Variants in SHROOM3 observed in about 807,000 individuals in gnomAD.
SHROOM3 encodes the protein protein Shroom3.
SHROOM3 carries 47 observed loss-of-function variants against 138.6 expected under a neutral mutation model. The ratio of observed to expected loss-of-function variants is 0.34; its 90% CI spans 0.27 to 0.43. The LOEUF (loss-of-function observed/expected upper bound fraction) is 0.43, where lower values mean the gene tolerates loss of function less well. Ranked by LOEUF, SHROOM3 falls within the 20% of genes least tolerant of loss-of-function variation. The probability of loss-of-function intolerance (pLI) is 1.00; values close to 1 mark genes in which losing one functional copy is unlikely to be tolerated. For synonymous variants in SHROOM3, 1,062 were observed against 1,063.3 expected, an observed-to-expected ratio of 1.00 and a Z score of 0.02; for missense variants, 2,491 against 2,596.5, an observed-to-expected ratio of 0.96 and a Z score of 0.88.
At chr4:76,764,969 A>G (rs930328838) in intron 9 of SHROOM3, among the ~76,000 whole-genome samples, 11 of 152,168 alleles carry the variant, frequency 7.2e-5, no homozygotes, top group Admixed American at 1.3e-4. Context: ...CTAGTGATAC[A>G]GTATTTCAAT....
At position 76,743,006 on chromosome 4, in the gene SHROOM3, A is replaced by C. The variant is rs1484002225; in HGVS notation, c.3753+1080A>C. On this transcript the variant is annotated intron_variant, in intron 5 of 10. Coordinates refer to ENST00000296043, the MANE Select transcript of SHROOM3 (RefSeq NM_020859.4). ...TTCTGGAGTTCACAGTTAAGCAAGGAATACGACCTTATATGTATAAATCTA... is the reference window on the plus strand; with the variant it reads ...TTCTGGAGTTCACAGTTAAGCAAGGCATACGACCTTATATGTATAAATCTA... Among the ~76,000 whole-genome samples, 3 of 152,240 alleles carry C rather than the reference A, an allele frequency of 2.0e-5. No homozygotes were observed. In the East Asian group the frequency reaches 5.8e-4, roughly 29 times the overall value.
At chr4:76,498,792 T>G (rs1044696127) in intron 1 of SHROOM3, among the ~76,000 whole-genome samples, 1 of 152,164 alleles carries the variant, frequency 6.6e-6, no homozygotes, top group Non-Finnish European at 1.5e-5. Flanking sequence ...TGTCTGGCTC[T>G]TTTCCTTTGT....
intron 7 of SHROOM3, among the ~76,000 whole-genome samples, chr4:76,755,646 G>A (rs1578022398): frequency 6.6e-6 from 1 of 152,130 alleles, no homozygotes; most frequent in African/African-American, 2.4e-5. Context: ...CCTCATCAAA[G>A]GTCATGTTAG....
intron 1 of SHROOM3, among the ~76,000 whole-genome samples, chr4:76,450,256 T>A (rs114773059): frequency 6.6e-6 from 1 of 152,208 alleles, no homozygotes; most frequent in South Asian, 2.1e-4. Flanking sequence ...TTCAGAGAGA[T>A]TAAAAGTATA....
intron 2 of SHROOM3, among the ~76,000 whole-genome samples, chr4:76,626,331 A>G (rs10022000): frequency 0.3 from 45,008 of 152,004 alleles, 7,024 homozygotes; most frequent in East Asian, 0.51. Context: ...CTGAATATTA[A>G]TTGTGGGTAT....
intron 5 of SHROOM3, chr4:76,742,280 G>T: frequency 3.0e-6 from 1 of 332,632 alleles, no homozygotes; most frequent in South Asian, 2.9e-5. Flanking sequence ...TAGAGTCTGG[G>T]TCTGAGTATT....
At chr4:76,503,591 G>T (rs773770551) in intron 1 of SHROOM3, among the ~76,000 whole-genome samples, 12 of 152,184 alleles carry the variant, frequency 7.9e-5, no homozygotes, top group Admixed American at 1.3e-4. Flanking sequence ...ACCACGCCCA[G>T]CTAATTTTTG....
intron 1 of SHROOM3, among the ~76,000 whole-genome samples, chr4:76,538,617 GA>G (rs1264437703): frequency 1.3e-5 from 2 of 152,108 alleles, no homozygotes; most frequent in Admixed American, 6.5e-5. Flanking sequence ...GGTGTGGGTA[GA>G]AAAAATGTTC....
chr4:76,526,452 C>T (rs1188623259), intron 1 of SHROOM3, among the ~76,000 whole-genome samples: 1 of 152,142 alleles, frequency 6.6e-6, no homozygotes, highest in East Asian at 1.9e-4. Flanking sequence ...TGTCTCCTAA[C>T]CCAAAAGGCA....
intron 2 of SHROOM3, among the ~76,000 whole-genome samples, chr4:76,609,393 T>C (rs1000854540): frequency 6.6e-6 from 1 of 152,190 alleles, no homozygotes; most frequent in Non-Finnish European, 1.5e-5. Flanking sequence ...AGCAATCCTC[T>C]TGCTTCAGCC....
intron 1 of SHROOM3, among the ~76,000 whole-genome samples, chr4:76,544,037 T>C (rs1187808939): frequency 1.3e-5 from 2 of 152,202 alleles, no homozygotes; most frequent in Non-Finnish European, 1.5e-5. Flanking sequence ...CCACAACAAC[T>C]TCCTGTTTTT....
At chr4:76,730,432 T>C (rs1293573806) in intron 3 of SHROOM3, among the ~76,000 whole-genome samples, 4 of 152,224 alleles carry the variant, frequency 2.6e-5, no homozygotes, top group Non-Finnish European at 4.4e-5. Context: ...CTCCCATTTT[T>C]ATATATGGAT....
At position 76,781,447 on chromosome 4, in the gene SHROOM3, ATAAAAG is replaced by A. The variant is rs1446421847; in HGVS notation, c.*2274_*2279del. On this transcript the variant is annotated 3_prime_UTR_variant, in exon 11 of 11. Coordinates refer to ENST00000296043, the MANE Select transcript of SHROOM3 (RefSeq NM_020859.4). ...CCAGCCACTTTTCTAATTTATAGAC[ATAAAAG>A]TAATTGACTCCCACAGCACAGTAAC... 6.6e-6 allele frequency: 1 copy of A among 152,224 alleles called. No homozygotes were observed. Among genetic ancestry groups the A allele is most frequent in the Non-Finnish European group, 1.5e-5 (1 of 68,052 alleles). The allele number at this position is 152,224 out of a possible 1,614,324, so 9.4% of individuals were successfully genotyped here. A position where few individuals can be genotyped will look rare whatever the true frequency, so the allele number is the denominator to read the frequency against.
chr4:76,500,221 C>A (rs1456777854), intron 1 of SHROOM3, among the ~76,000 whole-genome samples: 3 of 152,108 alleles, frequency 2.0e-5, no homozygotes, highest in Admixed American at 1.3e-4. Flanking sequence ...GCTGTGTGGG[C>A]TCTGTCAGCA....
intron 3 of SHROOM3, among the ~76,000 whole-genome samples, chr4:76,717,222 C>CAAAA (rs1720400792): frequency 6.6e-6 from 1 of 152,174 alleles, no homozygotes; most frequent in Non-Finnish European, 1.5e-5. Flanking sequence ...CATCTTTGCT[C>CAAAA]CCCTATAGGT....
intron 1 of SHROOM3, among the ~76,000 whole-genome samples, chr4:76,438,176 T>A (rs1730598550): frequency 1.3e-5 from 2 of 152,200 alleles, no homozygotes; most frequent in African/African-American, 2.4e-5. Flanking sequence ...TTCTCTGACA[T>A]AACAGTCTGA....
At chr4:76,743,126 A>G (rs1578011513) in intron 5 of SHROOM3, among the ~76,000 whole-genome samples, 1 of 152,208 alleles carries the variant, frequency 6.6e-6, no homozygotes, top group East Asian at 1.9e-4. Context: ...GCTTCTCCTG[A>G]AGGGAAATGG....
At chr4:76,769,692 C>T (rs1380481669) in intron 9 of SHROOM3, among the ~76,000 whole-genome samples, 4 of 152,082 alleles carry the variant, frequency 2.6e-5, no homozygotes, top group African/African-American at 9.7e-5. Context: ...AAGGGTGGCC[C>T]CTAAAGTGAG....
chr4:76,683,336 C>T (rs1225475484), intron 2 of SHROOM3, among the ~76,000 whole-genome samples: 1 of 152,080 alleles, frequency 6.6e-6, no homozygotes, highest in African/African-American at 2.4e-5. Flanking sequence ...TATTAACAGC[C>T]TGGGGTGTGT....
Sources: allele counts gnomAD v4.1 joint callset (sites outside exome capture counted in the v4.1 genomes callset), GRCh38; gene constraint gnomAD v4.1.1; transcripts MANE v1.5; gene names NCBI Gene and HGNC (gene_info 2026-07-23, HGNC 2026-07-21).